MDGA2: variants seen among roughly 807,000 people sequenced by gnomAD.
MDGA2 encodes MAM domain containing glycosylphosphatidylinositol anchor 2, also known as MAM domain-containing glycosylphosphatidylinositol anchor protein 2.
A neutral mutation model predicts 117.8 loss-of-function variants in MDGA2; 40 were observed. The ratio of observed to expected loss-of-function variants is 0.34; its 90% CI spans 0.26 to 0.44. The LOEUF is 0.44. Ranked by LOEUF, MDGA2 falls within the 20% of genes least tolerant of loss-of-function variation. The probability of loss-of-function intolerance (pLI) is 1.00; values close to 1 mark genes in which losing one functional copy is unlikely to be tolerated. For missense variants in MDGA2, 1,123 were observed against 1,250.6 expected (o/e 0.90, Z 1.54); for synonymous variants, 452 against 439.0 (o/e 1.03, Z -0.37).
intron 7 of MDGA2, among the ~76,000 whole-genome samples, chr14:47,056,562 C>T (rs77859597): frequency 1.3e-5 from 2 of 152,130 alleles, no homozygotes; most frequent in African/African-American, 4.8e-5. Flanking sequence ...GATGTCTCAT[C>T]ATGGGAATTC....
chr14:47,030,758 G>A (rs1594545629), intron 8 of MDGA2, among the ~76,000 whole-genome samples: 1 of 152,058 alleles, frequency 6.6e-6, no homozygotes, highest in East Asian at 1.9e-4. Flanking sequence ...ACATTACATT[G>A]TACTTTGCAG....
chr14:47,142,305 G>A (rs1369950909), intron 4 of MDGA2, among the ~76,000 whole-genome samples: 3 of 152,044 alleles, frequency 2.0e-5, no homozygotes, highest in African/African-American at 7.2e-5. Context: ...TTAGCCCAGT[G>A]TGGTGGCAGG....
intron 1 of MDGA2, among the ~76,000 whole-genome samples, chr14:47,583,271 G>T (rs1294251123): frequency 1.3e-5 from 2 of 151,804 alleles, no homozygotes; most frequent in African/African-American, 2.4e-5. Flanking sequence ...GTATGGTCAG[G>T]AAGGACCTGT....
At chr14:46,911,342 CAT>C (rs1883693346) in intron 10 of MDGA2, among the ~76,000 whole-genome samples, 3 of 152,244 alleles carry the variant, frequency 2.0e-5, no homozygotes, top group Admixed American at 2.0e-4. Context: ...GCTGGGAAAA[CAT>C]AGTCCATTAC....
At chr14:47,005,229 G>A (rs145654443) in intron 8 of MDGA2, among the ~76,000 whole-genome samples, 1 of 151,626 alleles carries the variant, frequency 6.6e-6, no homozygotes, top group East Asian at 1.9e-4. Flanking sequence ...TGTTAACTAG[G>A]ATTTTGGTAT....
At chr14:47,475,761 G>C (rs968473144) in intron 1 of MDGA2, among the ~76,000 whole-genome samples, 1 of 152,140 alleles carries the variant, frequency 6.6e-6, no homozygotes, top group Non-Finnish European at 1.5e-5. Context: ...ACTTATAAGG[G>C]GGAGCTGAAC....
intron 1 of MDGA2, among the ~76,000 whole-genome samples, chr14:47,626,132 C>T (rs1897134520): frequency 6.6e-6 from 1 of 152,204 alleles, no homozygotes; most frequent in Non-Finnish European, 1.5e-5. Context: ...TTACTGCATC[C>T]TCTGAATATT....
intron 1 of MDGA2, among the ~76,000 whole-genome samples, chr14:47,516,347 T>C (rs1594895556): frequency 6.6e-6 from 1 of 152,178 alleles, no homozygotes; most frequent in Non-Finnish European, 1.5e-5. Flanking sequence ...CTTCTCAGCA[T>C]GTAATCCCCA....
rs146791954 is a variant in MDGA2 at position 47,024,263 on chromosome 14, ATTAC to A, written c.1819+10744_1819+10747del. 6.3e-3 allele frequency among the ~76,000 whole-genome samples: 967 copies of A among 152,290 alleles called. 7 individuals are homozygous for A. Among genetic ancestry groups the A allele is most frequent in the African/African-American group, 0.022 (929 of 41,560 alleles). On this transcript the variant is annotated intron_variant, in intron 8 of 16. Coordinates refer to ENST00000399232, the MANE Select transcript of MDGA2 (RefSeq NM_001113498.3). ...TAAAGTGAAAACTTTGTGTACTGAA[ATTAC>A]TTACATCTTTTAACTGAGCTATAAA...
chr14:46,950,111 C>A (rs937507896), intron 9 of MDGA2, among the ~76,000 whole-genome samples: 1 of 151,664 alleles, frequency 6.6e-6, no homozygotes, highest in African/African-American at 2.4e-5. Context: ...AGAAAAATAA[C>A]TGTTTAAAAA....
At chr14:47,187,507 T>C (rs564453642) in intron 3 of MDGA2, among the ~76,000 whole-genome samples, 10 of 152,192 alleles carry the variant, frequency 6.6e-5, no homozygotes, top group Non-Finnish European at 8.8e-5. Context: ...AAACATATTT[T>C]CTTCAATTTA....
At chr14:46,921,191 A>G (rs1884114230) in intron 9 of MDGA2, among the ~76,000 whole-genome samples, 1 of 152,200 alleles carries the variant, frequency 6.6e-6, no homozygotes, top group Non-Finnish European at 1.5e-5. Context: ...CTCCTCATTC[A>G]TGGAAATTAA....
chr14:47,414,331 TTGAG>T (rs1892432985), intron 1 of MDGA2, among the ~76,000 whole-genome samples: 1 of 152,152 alleles, frequency 6.6e-6, no homozygotes, highest in Non-Finnish European at 1.5e-5. Flanking sequence ...CTTTCTACGA[TTGAG>T]TATTTTATTA....
intron 1 of MDGA2, among the ~76,000 whole-genome samples, chr14:47,500,349 C>T (rs1894374643): frequency 6.6e-6 from 1 of 152,010 alleles, no homozygotes; most frequent in Non-Finnish European, 1.5e-5. Context: ...CTTCTCTATA[C>T]ATTGGTAATA....
At chr14:46,948,725 A>T (rs1369943835) in intron 9 of MDGA2, among the ~76,000 whole-genome samples, 4 of 151,996 alleles carry the variant, frequency 2.6e-5, no homozygotes, top group Admixed American at 2.0e-4. Flanking sequence ...GCTCCTTGGT[A>T]ATGTCAGGCA....
chr14:47,227,062 C>G (rs1213056884), intron 2 of MDGA2, among the ~76,000 whole-genome samples: 1 of 152,134 alleles, frequency 6.6e-6, no homozygotes, highest in Admixed American at 6.5e-5. Flanking sequence ...GAAATTCCCT[C>G]TGTGAGAGTT....
At chr14:46,885,469 A>C (rs1172330473) in intron 10 of MDGA2, among the ~76,000 whole-genome samples, 2 of 152,192 alleles carry the variant, frequency 1.3e-5, no homozygotes, top group East Asian at 1.9e-4. Flanking sequence ...ACTAAAGAAG[A>C]GGCTTAGCCT....
At chr14:47,422,968 T>C (rs1348944469) in intron 1 of MDGA2, among the ~76,000 whole-genome samples, 1 of 152,132 alleles carries the variant, frequency 6.6e-6, no homozygotes, top group South Asian at 2.1e-4. Flanking sequence ...ATTTTACCTG[T>C]TAATCTTAAA....
At chr14:47,008,191 G>C (rs1371515427) in intron 8 of MDGA2, among the ~76,000 whole-genome samples, 1 of 151,704 alleles carries the variant, frequency 6.6e-6, no homozygotes, top group Non-Finnish European at 1.5e-5. Context: ...GTGTATGTTA[G>C]AGAAACAAAA....
Sources: allele counts gnomAD v4.1 joint callset (sites outside exome capture counted in the v4.1 genomes callset), GRCh38; gene constraint gnomAD v4.1.1; transcripts MANE v1.5; gene names NCBI Gene and HGNC (gene_info 2026-07-23, HGNC 2026-07-21).